ZNF33A: variants seen among roughly 807,000 people sequenced by gnomAD.
ZNF33A encodes the protein zinc finger protein 33A, also known as brain my041 protein.
In ZNF33A, 9 loss-of-function variants were observed where a neutral mutation model predicts 15.9. That is an observed-to-expected ratio of 0.57 (90% CI 0.34 to 0.99). The LOEUF is 0.99. Ranked by LOEUF, ZNF33A falls within the 50% of genes least tolerant of loss-of-function variation. The pLI is 0.02. For missense variants in ZNF33A, 843 were observed against 941.6 expected, an observed-to-expected ratio of 0.90 and a Z score of 1.37; for synonymous variants, 294 against 324.2, an observed-to-expected ratio of 0.91 and a Z score of 1.00.
intron 4 of ZNF33A, among the ~76,000 whole-genome samples, chr10:38,033,027 C>T (rs1031242550): frequency 1.3e-5 from 2 of 152,180 alleles, no homozygotes; most frequent in African/African-American, 4.8e-5. Context: ...GGATTATAGG[C>T]GTGAGGCACT....
intron 4 of ZNF33A, among the ~76,000 whole-genome samples, chr10:38,023,563 C>G (rs1309479904): frequency 1.3e-5 from 2 of 152,148 alleles, no homozygotes; most frequent in African/African-American, 2.4e-5. Flanking sequence ...AATGCAATAT[C>G]CATCCATGAT....
intron 1 of ZNF33A, 69 bp downstream of exon 1, chr10:38,010,852 G>T (rs1457712057): frequency 3.2e-6 from 5 of 1,583,202 alleles, no homozygotes; most frequent in South Asian, 1.1e-5. Context: ...GGCGGCAGGG[G>T]GCCGGTACCA....
At position 38,054,526 on chromosome 10, in the gene ZNF33A, T is replaced by C; in HGVS notation, c.402T>C (p.Pro134=). ...TTAATGTGGATGTAAGTTCTTTTCC[T>C]TCCAGAAAAATGTTCTGTCAGTGTG... is the stretch of plus-strand genomic sequence containing the variant. ...IPFNVDVSSF[P]SRKMFCQCDS... The change falls in exon 5 of 5, where the codon CCT becomes CCC. Residue 134 remains proline, a synonymous_variant. Transcript: ENST00000432900. The C allele has an allele frequency of 6.2e-7, 1 of 1,612,814 alleles. No individual in the cohort carries two copies. The highest frequency in any genetic ancestry group is 8.5e-7 in the Non-Finnish European group (1 of 1,179,600).
intron 4 of ZNF33A, among the ~76,000 whole-genome samples, chr10:38,053,358 G>A (rs747692881): frequency 1.1e-4 from 16 of 152,194 alleles, no homozygotes; most frequent in African/African-American, 2.4e-4. Context: ...TATGACCAGT[G>A]GTTGGGGGTG....
rs1358052440 is a variant in ZNF33A, at chr10:38,036,668, C to G, written c.251-17707C>G. 4.6e-5 allele frequency among the ~76,000 whole-genome samples: 7 copies of G among 152,122 alleles called. No individual in the cohort carries two copies. In the South Asian group the frequency reaches 8.3e-4, roughly 18 times the overall value. On this transcript the variant is annotated intron_variant, in intron 4 of 4. Coordinates refer to ENST00000432900, the MANE Select transcript of ZNF33A (RefSeq NM_006954.2). The stretch of plus-strand genomic sequence containing the variant: ...TTAGTGGTGAAACACTGGATACTTT[C>G]TCCCTAAGATAAGGAAACAAGATGT...
chr10:38,015,757 T>A (rs1361007053), intron 2 of ZNF33A, among the ~76,000 whole-genome samples: 3 of 152,162 alleles, frequency 2.0e-5, no homozygotes, highest in Non-Finnish European at 2.9e-5. Context: ...GAGGAAACAT[T>A]TTTTTTCTTA....
rs144848831 is a variant in ZNF33A, at chr10:38,056,295, A to C, written c.2171A>C (p.Asn724Thr). ...AHTGEKSCQC[N>T]ECGKIFYRKS... Reference sequence around the variant, plus strand: ...ACAGGAGAGAAATCTTGTCAATGTAATGAATGTGGAAAAATCTTTTACCGT... The same window carrying C: ...ACAGGAGAGAAATCTTGTCAATGTACTGAATGTGGAAAAATCTTTTACCGT... Residue 724 changes from asparagine (N) to threonine (T), a missense_variant, in exon 5 of 5, where the codon AAT becomes ACT. Asn to Thr is a moderately conservative substitution (Grantham distance 65). Transcript: ENST00000432900. The C allele has an allele frequency of 6.2e-7, 1 of 1,614,150 alleles. No individual in the cohort carries two copies. Among genetic ancestry groups the C allele is most frequent in the African/African-American group, 1.3e-5 (1 of 75,056 alleles).
chr10:38,046,634 C>G (rs2065957913), intron 4 of ZNF33A, among the ~76,000 whole-genome samples: 1 of 152,152 alleles, frequency 6.6e-6, no homozygotes, highest in Non-Finnish European at 1.5e-5. Context: ...TATTACCAGA[C>G]TTACAGACAT....
rs189263781 is a variant in ZNF33A, at chr10:38,017,319, C to G, written c.183C>G (p.Ile61Met). 6.2e-6 allele frequency: 10 copies of G among 1,613,994 alleles called. No individual in the cohort carries two copies. The African/African-American group carries it at 1.2e-4, about 19-fold the overall frequency. The change falls in exon 4 of 5, where the codon ATC becomes ATG. Residue 61 changes from isoleucine to methionine, a missense_variant. Transcript: ENST00000432900. ...ATTGTGTTCACAAACCAGAGGTGAT[C>G]TTCAGGCTGCAACAAGGAGAAGAGC... ...VGYCVHKPEV[I>M]FRLQQGEEPW...
intron 2 of ZNF33A, among the ~76,000 whole-genome samples, chr10:38,013,051 C>T (rs771862407): frequency 1.3e-5 from 2 of 152,148 alleles, no homozygotes; most frequent in Non-Finnish European, 2.9e-5. Flanking sequence ...TTATTTCACA[C>T]AGGTTCCAGT....
intron 2 of ZNF33A, 38 bp downstream of exon 2, chr10:38,012,388 G>A (rs1414912852): frequency 6.4e-7 from 1 of 1,567,928 alleles, no homozygotes; most frequent in South Asian, 1.1e-5. Flanking sequence ...ATTTTGCAGT[G>A]GACTTTGTGA....
At chr10:38,024,371 T>G (rs1158495032) in intron 4 of ZNF33A, among the ~76,000 whole-genome samples, 3 of 152,128 alleles carry the variant, frequency 2.0e-5, no homozygotes, top group Non-Finnish European at 2.9e-5. Context: ...GTATAGGACT[T>G]TTGTGCTGAA....
At chr10:38,066,480 C>A (rs2066710524), downstream of ZNF33A, among the ~76,000 whole-genome samples, 1 of 151,782 alleles carries the variant, frequency 6.6e-6, no homozygotes, top group Non-Finnish European at 1.5e-5. Flanking sequence ...TCTTGAATTC[C>A]TGACCTCGTG....
At chr10:38,029,568 T>A (rs889802497) in intron 4 of ZNF33A, among the ~76,000 whole-genome samples, 12 of 152,198 alleles carry the variant, frequency 7.9e-5, no homozygotes, top group African/African-American at 2.2e-4. Flanking sequence ...TAGTTCTTGT[T>A]TTTTGGTGTT....
chr10:38,045,274 C>T (rs771123560), intron 4 of ZNF33A, among the ~76,000 whole-genome samples: 4 of 152,170 alleles, frequency 2.6e-5, no homozygotes, highest in Non-Finnish European at 5.9e-5. Flanking sequence ...CAGAGGGCTC[C>T]TCCTTGGAAA....
At chr10:38,014,805 A>G (rs963381189) in intron 2 of ZNF33A, among the ~76,000 whole-genome samples, 4 of 152,168 alleles carry the variant, frequency 2.6e-5, no homozygotes, top group African/African-American at 9.7e-5. Flanking sequence ...TTCCATACAA[A>G]TATTGTTAGT....
chr10:38,043,370 A>T (rs1362230242), intron 4 of ZNF33A, among the ~76,000 whole-genome samples: 1 of 134,792 alleles, frequency 7.4e-6, no homozygotes, highest in Non-Finnish European at 1.6e-5. Context: ...GGGGGGAGGG[A>T]TAGCATTAGG....
At chr10:38,049,771 A>C (rs584630) in intron 4 of ZNF33A, among the ~76,000 whole-genome samples, 134,057 of 152,100 alleles carry the variant, frequency 0.88, 59,166 homozygotes, top group South Asian at 0.94. Context: ...ACAATATAAT[A>C]TGTAGAACCA....
At chr10:38,066,301 C>CA (rs1313522045), downstream of ZNF33A, among the ~76,000 whole-genome samples, 1 of 151,732 alleles carries the variant, frequency 6.6e-6, no homozygotes, top group Non-Finnish European at 1.5e-5. Context: ...TTTATTGAGA[C>CA]AGAGTCTCAC....
Sources: allele counts gnomAD v4.1 joint callset (sites outside exome capture counted in the v4.1 genomes callset), GRCh38; gene constraint gnomAD v4.1.1; transcripts MANE v1.5; gene names NCBI Gene and HGNC (gene_info 2026-07-23, HGNC 2026-07-21).